METAP2: variants seen among roughly 807,000 people sequenced by gnomAD.
METAP2 encodes methionine aminopeptidase 2.
A neutral mutation model predicts 59.4 loss-of-function variants in METAP2; 25 were observed. The observed-to-expected ratio is 0.42, with a 90% CI of 0.31 to 0.59. The LOEUF is 0.59. Ranked by LOEUF, METAP2 falls within the 20% of genes least tolerant of loss-of-function variation. The pLI, the probability that METAP2 is intolerant of heterozygous loss-of-function variation, is 0.16. For synonymous variants in METAP2, 214 were observed against 194.1 expected (o/e 1.10, Z -0.85); for missense variants, 366 against 581.2 (o/e 0.63, Z 3.81).
At chr12:95,490,206 A>G (rs1052080841) in intron 4 of METAP2, among the ~76,000 whole-genome samples, 5 of 151,086 alleles carry the variant, frequency 3.3e-5, no homozygotes, top group African/African-American at 7.3e-5. Flanking sequence ...GGCTTAAGCA[A>G]TCCTCCTGCA....
chr12:95,494,227 A>T lies in METAP2; in HGVS notation c.590+10A>T. On this transcript the variant is annotated intron_variant, in intron 5 of 10. Coordinates refer to ENST00000323666, the MANE Select transcript of METAP2 (RefSeq NM_006838.4). ...CAATGATAGAAATCTGGTAAAAGGA[A>T]TACTTCTTCGTAAGAACATGATAAA... The T allele has an allele frequency of 6.2e-7, 1 of 1,607,618 alleles. No homozygotes were observed. The highest frequency in any genetic ancestry group is 8.5e-7 in the Non-Finnish European group (1 of 1,175,922).
chr12:95,507,254 G>C (rs1481875768), intron 8 of METAP2, among the ~76,000 whole-genome samples: 1 of 152,218 alleles, frequency 6.6e-6, no homozygotes, highest in Non-Finnish European at 1.5e-5. Context: ...TTGTGTGATA[G>C]TGCCTGGAAT....
intron 6 of METAP2, 79 bp from the exon 7 acceptor site, chr12:95,495,925 G>T (rs1039164775): frequency 1.2e-6 from 1 of 845,204 alleles, no homozygotes; most frequent in African/African-American, 1.7e-5. Flanking sequence ...AAACTAGCAA[G>T]ATTAATAGAT....
intron 7 of METAP2, among the ~76,000 whole-genome samples, chr12:95,496,821 C>CTT (rs777002045): frequency 0.069 from 6,941 of 100,852 alleles, 350 homozygotes; most frequent in Non-Finnish European, 0.084. Flanking sequence ...CTTTTTCTTT[C>CTT]TTTTTTTTTT....
At chr12:95,483,621 A>G (rs2076175683) in intron 3 of METAP2, 1 of 171,190 alleles carries the variant, frequency 5.8e-6, no homozygotes, top group African/African-American at 2.4e-5. Flanking sequence ...ATAATTATTT[A>G]TTAGTTTAAT....
chr12:95,476,273 G>A (rs765794945), intron 2 of METAP2, 95 bp downstream of exon 2: 2 of 683,064 alleles, frequency 2.9e-6, no homozygotes, highest in Admixed American at 3.2e-5. Flanking sequence ...TTGGGAGGTC[G>A]AGGCGGGTGG....
chr12:95,492,996 G>A (rs2076250329), intron 4 of METAP2, among the ~76,000 whole-genome samples: 1 of 152,162 alleles, frequency 6.6e-6, no homozygotes, highest in African/African-American at 2.4e-5. Context: ...GAGGCAAATA[G>A]CAATTCCTTG....
At chr12:95,476,747 T>C (rs982078286) in intron 2 of METAP2, among the ~76,000 whole-genome samples, 1 of 152,184 alleles carries the variant, frequency 6.6e-6, no homozygotes, top group African/African-American at 2.4e-5. Flanking sequence ...GAAGGCAAAG[T>C]AGTGAGTATT....
Position 95,515,499 on chromosome 12 carries a change from C to A in METAP2, c.*1595C>A, listed in dbSNP as rs2076441034. 1.3e-5 allele frequency: 2 copies of A among 152,194 alleles called. No individual in the cohort carries two copies. Among genetic ancestry groups the A allele is most frequent in the African/African-American group, 4.8e-5 (2 of 41,448 alleles). 9.4% of individuals were successfully genotyped at this position (152,194 alleles called of 1,614,324 possible). On this transcript the variant is annotated 3_prime_UTR_variant, in exon 11 of 11. Transcript: ENST00000323666. ...TGATGTGGAAGTATAAAGCAAGTAT[C>A]TTGATTTCTAAACCCAGCAATTTTA...
chr12:95,507,850 C>T (rs890110327), intron 8 of METAP2, among the ~76,000 whole-genome samples: 33 of 151,150 alleles, frequency 2.2e-4, no homozygotes, highest in African/African-American at 7.8e-4. Flanking sequence ...GCGATCTCGG[C>T]TCATCACAAC....
chr12:95,512,034 A>AAAAAAATGTCTTC, intron 9 of METAP2, 36 bp downstream of exon 9: 1 of 1,483,424 alleles, frequency 6.7e-7, no homozygotes, highest in Non-Finnish European at 9.4e-7. Flanking sequence ...TCCATGGAAG[A>AAAAAAATGTCTTC]CATTTTTTTC....
chr12:95,480,351 T>C (rs2076149643), intron 2 of METAP2, among the ~76,000 whole-genome samples: 1 of 152,166 alleles, frequency 6.6e-6, no homozygotes, highest in African/African-American at 2.4e-5. Flanking sequence ...TGCATATGGG[T>C]CTATGTGTAG....
chr12:95,491,017 A>T (rs2076233915), intron 4 of METAP2, among the ~76,000 whole-genome samples: 2 of 151,980 alleles, frequency 1.3e-5, no homozygotes, highest in South Asian at 4.1e-4. Flanking sequence ...CATTAGATGT[A>T]ATCTCAGGCT....
At chr12:95,492,079 A>AT (rs2076241626) in intron 4 of METAP2, among the ~76,000 whole-genome samples, 1 of 151,958 alleles carries the variant, frequency 6.6e-6, no homozygotes, top group South Asian at 2.1e-4. Flanking sequence ...AATGGCTGGG[A>AT]TTATAGGCAT....
At chr12:95,480,469 T>C (rs1343672711) in intron 2 of METAP2, among the ~76,000 whole-genome samples, 1 of 152,224 alleles carries the variant, frequency 6.6e-6, no homozygotes, top group African/African-American at 2.4e-5. Flanking sequence ...GCTATGCTGT[T>C]TTGCATTCCT....
At chr12:95,493,785 A>G (rs1244514583) in intron 4 of METAP2, among the ~76,000 whole-genome samples, 5 of 152,124 alleles carry the variant, frequency 3.3e-5, no homozygotes, top group Non-Finnish European at 5.9e-5. Flanking sequence ...TTGTTTTATT[A>G]TCTTTTTGTG....
At chr12:95,505,825 T>G (rs1316213838) in intron 8 of METAP2, among the ~76,000 whole-genome samples, 3 of 149,782 alleles carry the variant, frequency 2.0e-5, no homozygotes, top group Non-Finnish European at 4.4e-5. Flanking sequence ...CCAGACGTGG[T>G]GGCTCACGCC....
chr12:95,500,018 T>G (rs934085684), intron 7 of METAP2, among the ~76,000 whole-genome samples: 2 of 152,186 alleles, frequency 1.3e-5, no homozygotes, highest in African/African-American at 4.8e-5. Flanking sequence ...GAGAGGAGAT[T>G]TGGGTGGGGA....
rs200896879 is a variant in METAP2 at position 95,513,687 on chromosome 12, A to G, written c.1220A>G (p.Asn407Ser). 2.4e-4 allele frequency: 385 copies of G among 1,614,200 alleles called. 3 individuals carry two copies. In the East Asian group the frequency reaches 6.0e-3, roughly 25 times the overall value. The change falls in exon 11 of 11, where the codon AAT (asparagine) becomes AGT (serine). Residue 407 changes from asparagine (N) to serine (S), a missense_variant. Asn to Ser is a conservative substitution (Grantham distance 46, BLOSUM62 1). This residue lies in a region of METAP2 where 82 missense variants were observed against 156.2 expected (regional missense o/e 0.52). Transcript: ENST00000323666. ...PRTKHLLNVI[N>S]ENFGTLAFCR... Reference sequence around the variant, plus strand: ...ACAAAACACTTGTTAAATGTCATCAATGAAAACTTTGGAACCCTTGCCTTC... The same window carrying G: ...ACAAAACACTTGTTAAATGTCATCAGTGAAAACTTTGGAACCCTTGCCTTC...
Sources: allele counts gnomAD v4.1 joint callset (sites outside exome capture counted in the v4.1 genomes callset), GRCh38; gene constraint gnomAD v4.1.1; regional missense constraint gnomAD v4.1.1; transcripts MANE v1.5; gene names NCBI Gene and HGNC (gene_info 2026-07-23, HGNC 2026-07-21).